The following PTPRM variants were observed in gnomAD, a reference collection of about 807,000 sequenced individuals.
PTPRM encodes receptor-type tyrosine-protein phosphatase mu.
PTPRM carries 47 observed loss-of-function variants against 186.7 expected under a neutral mutation model. That is an observed-to-expected ratio of 0.25 (90% confidence interval 0.20 to 0.32). PTPRM has a LOEUF of 0.32. Among genes scored for constraint, PTPRM ranks in the 10% least tolerant of loss-of-function variants. The probability of loss-of-function intolerance (pLI) is 1.00; values close to 1 mark genes in which losing one functional copy is unlikely to be tolerated. For missense variants in PTPRM, 1,494 were observed against 1,865.0 expected (o/e 0.80, Z 3.66); for synonymous variants, 668 against 674.9 (o/e 0.99, Z 0.16).
chr18:8,004,819 C>A (rs892346295), intron 7 of PTPRM, among the ~76,000 whole-genome samples: 6 of 152,152 alleles, frequency 3.9e-5, no homozygotes, highest in Non-Finnish European at 8.8e-5. Context: ...AGAATCAGAT[C>A]AAGGCAATCG....
chr18:7,734,084 A>T (rs915231946), intron 1 of PTPRM, among the ~76,000 whole-genome samples: 2 of 152,200 alleles, frequency 1.3e-5, no homozygotes, highest in African/African-American at 4.8e-5. Flanking sequence ...CCAAACCTAC[A>T]TCCAAAAGTA....
At chr18:7,834,528 A>ACACACACACACACACACACACACACACT (rs763752808) in intron 2 of PTPRM, among the ~76,000 whole-genome samples, 50 of 146,220 alleles carry the variant, frequency 3.4e-4, no homozygotes, top group African/African-American at 1.2e-3. Context: ...ACACACACAC[A>ACACACACACACACACACACACACACACT]CTTCCAGACT....
At chr18:7,834,355 A>G (rs1043802377) in intron 2 of PTPRM, among the ~76,000 whole-genome samples, 2 of 149,688 alleles carry the variant, frequency 1.3e-5, no homozygotes, top group Non-Finnish European at 3.0e-5. Flanking sequence ...TTGTTGCTTC[A>G]ATATTCATCA....
chr18:7,983,833 A>G (rs914109782), intron 7 of PTPRM, among the ~76,000 whole-genome samples: 3 of 152,220 alleles, frequency 2.0e-5, no homozygotes, highest in Admixed American at 6.5e-5. Context: ...TTACTGTCAC[A>G]TAAAAACGTG....
At chr18:8,309,232 A>G (rs961791251) in intron 20 of PTPRM, among the ~76,000 whole-genome samples, 6 of 152,114 alleles carry the variant, frequency 3.9e-5, no homozygotes, top group Non-Finnish European at 2.9e-5. Context: ...CTAACTAGCA[A>G]ATTGTTTCCC....
chr18:8,327,799 A>G (rs754470442), intron 22 of PTPRM, among the ~76,000 whole-genome samples: 3 of 152,222 alleles, frequency 2.0e-5, no homozygotes, highest in African/African-American at 2.4e-5. Context: ...GAGACAGTCC[A>G]TCTTGTTAAA....
At chr18:7,769,896 C>T (rs1042350137) in intron 1 of PTPRM, among the ~76,000 whole-genome samples, 2 of 151,942 alleles carry the variant, frequency 1.3e-5, no homozygotes, top group African/African-American at 2.4e-5. Flanking sequence ...TGAGAGACAG[C>T]GAGAGAGAAA....
At chr18:7,762,484 G>C (rs1262340449) in intron 1 of PTPRM, among the ~76,000 whole-genome samples, 1 of 152,164 alleles carries the variant, frequency 6.6e-6, no homozygotes, top group African/African-American at 2.4e-5. Flanking sequence ...AGATAAAGAG[G>C]TAGACGGGGG....
At chr18:7,615,197 C>CAGTT (rs2037772590) in intron 1 of PTPRM, among the ~76,000 whole-genome samples, 1 of 152,156 alleles carries the variant, frequency 6.6e-6, no homozygotes, top group South Asian at 2.1e-4. Flanking sequence ...CATTTAAATA[C>CAGTT]AGTTACTTTA....
chr18:8,172,336 T>A (rs1355408109), intron 14 of PTPRM, among the ~76,000 whole-genome samples: 1 of 151,318 alleles, frequency 6.6e-6, no homozygotes, highest in Non-Finnish European at 1.5e-5. Context: ...GTATAGATGA[T>A]CTTGTTTTAT....
intron 20 of PTPRM, among the ~76,000 whole-genome samples, chr18:8,297,339 A>G (rs2095108313): frequency 2.0e-5 from 3 of 152,234 alleles, no homozygotes; most frequent in Admixed American, 2.0e-4. Context: ...GTTATTCCAG[A>G]GGAGCAATCT....
chr18:7,652,003 T>C (rs1003842599), intron 1 of PTPRM, among the ~76,000 whole-genome samples: 10 of 152,200 alleles, frequency 6.6e-5, no homozygotes, highest in Non-Finnish European at 1.2e-4. Context: ...AACCTACTCT[T>C]CTGACAAAGG....
chr18:7,818,949 T>A (rs1179517130), intron 2 of PTPRM, among the ~76,000 whole-genome samples: 2 of 152,154 alleles, frequency 1.3e-5, no homozygotes, highest in Non-Finnish European at 2.9e-5. Flanking sequence ...ACCTCAGGTG[T>A]GAAAAGTGTA....
At chr18:7,893,889 A>G (rs780356220) in intron 3 of PTPRM, among the ~76,000 whole-genome samples, 8 of 152,332 alleles carry the variant, frequency 5.3e-5, no homozygotes, top group Non-Finnish European at 7.3e-5. Context: ...AGTTGGGTTA[A>G]GAAGGACAGG....
chr18:7,902,037 TATTA>T, intron 3 of PTPRM, among the ~76,000 whole-genome samples: 1 of 152,358 alleles, frequency 6.6e-6, no homozygotes, highest in African/African-American at 2.4e-5. Flanking sequence ...ATATATTATG[TATTA>T]ATTTTGTATG....
chr18:7,972,744 G>A (rs973351307), intron 7 of PTPRM, among the ~76,000 whole-genome samples: 3 of 151,938 alleles, frequency 2.0e-5, no homozygotes, highest in East Asian at 1.9e-4. Context: ...AGTCATAGAT[G>A]TGATATAAGA....
chr18:7,934,525 C>T (rs2051684978), intron 5 of PTPRM, among the ~76,000 whole-genome samples: 1 of 152,176 alleles, frequency 6.6e-6, no homozygotes. Flanking sequence ...TTTCACTGAT[C>T]TACCATAGAA....
At position 7,615,716 on chromosome 18, in the gene PTPRM, G is replaced by A. The variant is rs149654710; in HGVS notation, c.73+47825G>A. ...CCACAGATGGGGTGGGGTGGGGATG[G>A]TTTGCAGGATGATTCAAGTGCATTA... is the stretch of plus-strand genomic sequence containing the variant. On this transcript the variant is annotated intron_variant, in intron 1 of 32. Coordinates refer to ENST00000580170, the MANE Select transcript of PTPRM (RefSeq NM_001105244.2). Among the ~76,000 whole-genome samples, 3 of 152,236 alleles carry A rather than the reference G, an allele frequency of 2.0e-5. No homozygotes were observed. The East Asian group carries it at 5.8e-4, about 29-fold the overall frequency.
chr18:8,237,442 TTTTTTTTTTTTTTTTTTTTTC>T lies in PTPRM; in HGVS notation c.2301-6615_2301-6595del, dbSNP rs1400318902. Among the ~76,000 whole-genome samples the T allele has an allele frequency of 3.7e-3, 375 of 101,938 alleles. 5 individuals carry two copies. The highest frequency in any genetic ancestry group is 0.016 in the African/African-American group (346 of 21,026). 66.9% of individuals were successfully genotyped at this position (101,938 alleles called of 152,430 possible). A position where few individuals can be genotyped will look rare whatever the true frequency, so the allele number is the denominator to read the frequency against. ...AACTGATTCCCTCAATTTTTTTTTT[TTTTTTTTTTTTTTTTTTTTTC>T]CTGAGACAGAGTTTCGCTCTTGTTG... is the stretch of plus-strand genomic sequence containing the variant. On this transcript the variant is annotated intron_variant, in intron 14 of 32. Transcript: ENST00000580170.
Sources: gnomAD v4.1 joint callset for allele counts (sites outside exome capture counted in the v4.1 genomes callset) on GRCh38, gnomAD v4.1.1 for gene constraint, MANE v1.5 for transcripts, NCBI Gene and HGNC (gene_info 2026-07-23, HGNC 2026-07-21) for gene names.